The following PRKCA variants were observed in gnomAD, a reference collection of about 807,000 sequenced individuals.
PRKCA encodes the protein protein kinase C alpha, also known as protein kinase C alpha type.
A neutral mutation model predicts 87.0 loss-of-function variants in PRKCA; 27 were observed. That is an observed-to-expected ratio of 0.31 (90% CI 0.23 to 0.43). The LOEUF is 0.43. PRKCA is among the 20% of genes least tolerant of loss of function. PRKCA has a pLI of 1.00. For synonymous variants in PRKCA, 329 were observed against 311.1 expected, an observed-to-expected ratio of 1.06 and a Z score of -0.61; for missense variants, 518 against 852.3, an observed-to-expected ratio of 0.61 and a Z score of 4.88.
At chr17:66,585,158 A>G (rs575676954) in intron 3 of PRKCA, among the ~76,000 whole-genome samples, 14 of 152,218 alleles carry the variant, frequency 9.2e-5, no homozygotes, top group Non-Finnish European at 1.6e-4. Context: ...TGCCATTTAC[A>G]TAGTGTAGGA....
intron 3 of PRKCA, among the ~76,000 whole-genome samples, chr17:66,573,801 G>C (rs914745724): frequency 6.6e-6 from 1 of 152,138 alleles, no homozygotes; most frequent in Non-Finnish European, 1.5e-5. Flanking sequence ...TGTTTCAAAA[G>C]ATGAAATACA....
At chr17:66,457,397 G>A (rs1052835621) in intron 2 of PRKCA, among the ~76,000 whole-genome samples, 1 of 152,094 alleles carries the variant, frequency 6.6e-6, no homozygotes, top group Admixed American at 6.5e-5. Context: ...TTGAGCCTTG[G>A]TGCATCCCTC....
chr17:66,771,306 GC>G (rs2144329227), intron 13 of PRKCA, among the ~76,000 whole-genome samples: 1 of 152,244 alleles, frequency 6.6e-6, no homozygotes, highest in Admixed American at 6.5e-5. Flanking sequence ...CCCCTGGCCA[GC>G]AATGTGTCTT....
At chr17:66,487,634 C>T (rs765863725) in intron 2 of PRKCA, among the ~76,000 whole-genome samples, 19 of 152,194 alleles carry the variant, frequency 1.2e-4, no homozygotes, top group Non-Finnish European at 2.1e-4. Context: ...TACATTCCCA[C>T]CAGCAGCATC....
chr17:66,481,677 T>C (rs1024265066), intron 2 of PRKCA, among the ~76,000 whole-genome samples: 4 of 152,196 alleles, frequency 2.6e-5, no homozygotes, highest in Admixed American at 6.5e-5. Context: ...GCATCTCTTC[T>C]AGGCAGATAC....
chr17:66,650,337 A>C (rs965526500), intron 5 of PRKCA, among the ~76,000 whole-genome samples: 1 of 146,020 alleles, frequency 6.8e-6, no homozygotes, highest in African/African-American at 2.6e-5. Context: ...TGGTGCTGAT[A>C]TTATCAGAAT....
At chr17:66,561,198 C>T (rs554842790) in intron 3 of PRKCA, among the ~76,000 whole-genome samples, 77 of 152,288 alleles carry the variant, frequency 5.1e-4, no homozygotes, top group African/African-American at 1.7e-3. Context: ...CCGAAATGAT[C>T]GCTTTCACAT....
intron 15 of PRKCA, chr17:66,787,303 C>T (rs777359681): frequency 7.2e-6 from 3 of 417,796 alleles, no homozygotes; most frequent in Non-Finnish European, 1.4e-5. Context: ...TGTGAACACA[C>T]CATCGTTTCC....
chr17:66,584,425 C>T (rs180846402), intron 3 of PRKCA, among the ~76,000 whole-genome samples: 171 of 152,140 alleles, frequency 1.1e-3, no homozygotes, highest in African/African-American at 3.7e-3. Context: ...AGGGTTTCAC[C>T]GTATTGATCA....
chr17:66,617,265 GT>G (rs1970544154), intron 3 of PRKCA, among the ~76,000 whole-genome samples: 2 of 152,114 alleles, frequency 1.3e-5, no homozygotes, highest in African/African-American at 4.8e-5. Flanking sequence ...GGTATGGGCT[GT>G]TTTCCTCATG....
At chr17:66,603,749 G>C (rs1274203531) in intron 3 of PRKCA, among the ~76,000 whole-genome samples, 2 of 152,080 alleles carry the variant, frequency 1.3e-5, no homozygotes, top group Non-Finnish European at 2.9e-5. Context: ...CTGTACTCAT[G>C]AAACACCAGC....
At chr17:66,440,240 A>G (rs552123716) in intron 2 of PRKCA, among the ~76,000 whole-genome samples, 2 of 152,250 alleles carry the variant, frequency 1.3e-5, no homozygotes, top group Non-Finnish European at 2.9e-5. Flanking sequence ...AAATGAGTCC[A>G]GACCCCATGG....
At chr17:66,766,146 G>A (rs1974807941) in intron 13 of PRKCA, among the ~76,000 whole-genome samples, 1 of 152,186 alleles carries the variant, frequency 6.6e-6, no homozygotes, top group Admixed American at 6.5e-5. Context: ...CGAGAAAAAC[G>A]AGCCTTGGCG....
chr17:66,453,371 G>A (rs566647531), intron 2 of PRKCA, among the ~76,000 whole-genome samples: 7 of 151,058 alleles, frequency 4.6e-5, no homozygotes, highest in East Asian at 3.9e-4. Context: ...AGACTGGAGC[G>A]CAGTGGCTTG....
Position 66,785,557 on chromosome 17 carries a change from T to C in PRKCA, c.1606-1310T>C, listed in dbSNP as rs535502179. On this transcript the variant is annotated intron_variant, in intron 14 of 16. Transcript: ENST00000413366. ...GCCAAAGGGGGAGCATTACGGAATT[T>C]CCCATGAACGCTTTCCTCCTGTGCC... Among the ~76,000 whole-genome samples, 29 of 152,252 alleles carry C rather than the reference T, an allele frequency of 1.9e-4. No individual in the cohort carries two copies. In the South Asian group the frequency reaches 6.0e-3, roughly 32 times the overall value.
chr17:66,735,440 C>G lies in PRKCA; in HGVS notation c.1057-49C>G, dbSNP rs758717508. The stretch of plus-strand genomic sequence containing the variant: ...TGGCCTGGTTCCTTCCCTCTGCCCC[C>G]CAAGATATGTGCTTACAAGTGTTCA... On this transcript the variant is annotated intron_variant, in intron 9 of 16. Coordinates refer to ENST00000413366, the MANE Select transcript of PRKCA (RefSeq NM_002737.3). The G allele has an allele frequency of 3.1e-6, 5 of 1,610,884 alleles. No individual in the cohort carries two copies. The East Asian group carries it at 8.9e-5, about 29-fold the overall frequency.
intron 3 of PRKCA, among the ~76,000 whole-genome samples, chr17:66,565,773 G>A (rs1162673748): frequency 6.6e-6 from 1 of 151,960 alleles, no homozygotes; most frequent in African/African-American, 2.4e-5. Flanking sequence ...GGGTGGCATG[G>A]CAGGACATAG....
chr17:66,575,394 C>T (rs754288235), intron 3 of PRKCA, among the ~76,000 whole-genome samples: 2 of 152,156 alleles, frequency 1.3e-5, no homozygotes, highest in Admixed American at 1.3e-4. Context: ...GCATGGCCAA[C>T]ATGGGTGAAA....
chr17:66,774,334 A>G (rs190781642), intron 14 of PRKCA: 1 of 1,288,270 alleles, frequency 7.8e-7, no homozygotes, highest in African/African-American at 1.5e-5. Context: ...TGAAATGTAC[A>G]TGTTGGCCAG....
Sources: gnomAD v4.1 joint callset for allele counts (sites outside exome capture counted in the v4.1 genomes callset) on GRCh38, gnomAD v4.1.1 for gene constraint, MANE v1.5 for transcripts, NCBI Gene and HGNC (gene_info 2026-07-23, HGNC 2026-07-21) for gene names.